KHDRBS2: variants seen among roughly 807,000 people sequenced by gnomAD.
The protein encoded by KHDRBS2 is KH domain-containing, RNA-binding, signal transduction-associated protein 2.
KHDRBS2 carries 26 observed loss-of-function variants against 44.3 expected under a neutral mutation model. The ratio of observed to expected loss-of-function variants is 0.59; its 90% CI spans 0.43 to 0.81. The LOEUF (loss-of-function observed/expected upper bound fraction) is 0.81. KHDRBS2 is among the 40% of genes least tolerant of loss of function. The pLI is 0.00. For synonymous variants in KHDRBS2, 194 were observed against 151.1 expected (o/e 1.28, Z -2.08); for missense variants, 476 against 433.1 (o/e 1.10, Z -0.88).
At position 62,035,852 on chromosome 6, in the gene KHDRBS2, G is replaced by A. The variant is rs528860579; in HGVS notation, c.336+12026C>T. Among the ~76,000 whole-genome samples, 240 of 152,014 alleles carry A rather than the reference G, an allele frequency of 1.6e-3. 6 individuals carry two copies. In the South Asian group the frequency reaches 0.047, roughly 29 times the overall value. On this transcript the variant is annotated intron_variant, in intron 3 of 8. Coordinates refer to ENST00000281156, the MANE Select transcript of KHDRBS2 (RefSeq NM_152688.4). ...CTCTGGTCATTTTAATAAAACTAAT[G>A]GTCAAACAGGGAACATCTGCACTAA...
At chr6:61,875,791 T>G (rs1799326050) in intron 6 of KHDRBS2, among the ~76,000 whole-genome samples, 1 of 152,074 alleles carries the variant, frequency 6.6e-6, no homozygotes, top group African/African-American at 2.4e-5. Flanking sequence ...TTACAGTTCT[T>G]TATTTCTGAA....
the KHDRBS2 span, among the ~76,000 whole-genome samples, chr6:61,606,290 C>G: frequency 2.6e-5 from 4 of 152,088 alleles, no homozygotes; most frequent in Non-Finnish European, 5.9e-5. Flanking sequence ...AAATTCTTAC[C>G]CTTCTGCTGA....
chr6:61,806,894 G>C (rs944913642), intron 6 of KHDRBS2, among the ~76,000 whole-genome samples: 9 of 151,970 alleles, frequency 5.9e-5, no homozygotes, highest in African/African-American at 2.2e-4. Flanking sequence ...TATATACATT[G>C]TGTGGTAGCT....
chr6:62,110,216 C>A (rs1804680404), intron 2 of KHDRBS2, among the ~76,000 whole-genome samples: 1 of 151,996 alleles, frequency 6.6e-6, no homozygotes, highest in Admixed American at 6.6e-5. Context: ...AACTTCCATA[C>A]ATTGTTGATG....
rs1767513336 is a variant in KHDRBS2 at position 61,956,992 on chromosome 6, G to A, written c.483+21074C>T. Among the ~76,000 whole-genome samples the A allele has an allele frequency of 2.6e-5, 4 of 152,038 alleles. No individual in the cohort carries two copies. The South Asian group carries it at 8.3e-4, about 32-fold the overall frequency. ...AACGGAGGAACCAGCTGAAGCCGTG[G>A]CAGAAGAATATAAATTGTGAAGATT... On this transcript the variant is annotated intron_variant, in intron 4 of 8. Coordinates refer to ENST00000281156, the MANE Select transcript of KHDRBS2 (RefSeq NM_152688.4).
chr6:61,958,274 C>T (rs1018184255), intron 4 of KHDRBS2, among the ~76,000 whole-genome samples: 18 of 152,110 alleles, frequency 1.2e-4, no homozygotes, highest in Non-Finnish European at 2.5e-4. Context: ...CCAGTTAGTA[C>T]ATGCTGTTTC....
intron 6 of KHDRBS2, among the ~76,000 whole-genome samples, chr6:61,815,064 TGTACATGTTTA>T (rs1788695857): frequency 6.6e-6 from 1 of 152,160 alleles, no homozygotes; most frequent in Non-Finnish European, 1.5e-5. Context: ...GACAATAGTC[TGTACATGTTTA>T]GTACAGGCAC....
At chr6:61,756,919 T>A (rs551468036) in intron 6 of KHDRBS2, among the ~76,000 whole-genome samples, 128 of 152,340 alleles carry the variant, frequency 8.4e-4, no homozygotes, top group African/African-American at 3.1e-3. Flanking sequence ...GCTTTGCTAC[T>A]ACAGATTAGT....
chr6:61,827,082 T>A (rs1331592435), intron 6 of KHDRBS2, among the ~76,000 whole-genome samples: 2 of 152,258 alleles, frequency 1.3e-5, no homozygotes, highest in Non-Finnish European at 2.9e-5. Flanking sequence ...CACCTCGTGC[T>A]GGAAGTATAT....
chr6:61,998,481 G>C (rs552121767), intron 3 of KHDRBS2, among the ~76,000 whole-genome samples: 1 of 151,978 alleles, frequency 6.6e-6, no homozygotes, highest in Non-Finnish European at 1.5e-5. Flanking sequence ...TCTACCTTAT[G>C]AACAAAATGA....
chr6:62,060,252 A>G (rs1205561796), intron 2 of KHDRBS2, among the ~76,000 whole-genome samples: 2 of 151,808 alleles, frequency 1.3e-5, no homozygotes, highest in Non-Finnish European at 2.9e-5. Flanking sequence ...GGTAAAAGCA[A>G]TGTAGTTCAA....
At chr6:61,702,377 G>A (rs1331914334) in intron 7 of KHDRBS2, among the ~76,000 whole-genome samples, 2 of 151,922 alleles carry the variant, frequency 1.3e-5, no homozygotes, top group Admixed American at 6.6e-5. Flanking sequence ...ATGCCATGGA[G>A]CAGAGCCCAC....
At chr6:61,951,216 A>T (rs1418164033) in intron 4 of KHDRBS2, among the ~76,000 whole-genome samples, 1 of 152,048 alleles carries the variant, frequency 6.6e-6, no homozygotes, top group East Asian at 1.9e-4. Context: ...CAATTACTAG[A>T]GAAAAGGTGT....
At chr6:61,601,779 C>T in the KHDRBS2 span, among the ~76,000 whole-genome samples, 2 of 152,060 alleles carry the variant, frequency 1.3e-5, no homozygotes, top group Non-Finnish European at 2.9e-5. Flanking sequence ...CCAATTCTTC[C>T]TCAACTTCTG....
At chr6:62,169,066 T>TAC in intron 2 of KHDRBS2, among the ~76,000 whole-genome samples, 1 of 139,390 alleles carries the variant, frequency 7.2e-6, no homozygotes, top group South Asian at 2.2e-4. Context: ...TATATATGTA[T>TAC]ACATGAATAT....
the KHDRBS2 span, among the ~76,000 whole-genome samples, chr6:61,638,378 A>T: frequency 3.9e-5 from 6 of 152,262 alleles, no homozygotes; most frequent in African/African-American, 1.4e-4. Flanking sequence ...CTGATCTTTG[A>T]CAAATCTGAG....
intron 6 of KHDRBS2, among the ~76,000 whole-genome samples, chr6:61,781,284 C>A (rs1302100200): frequency 6.6e-6 from 1 of 151,852 alleles, no homozygotes; most frequent in Admixed American, 6.6e-5. Flanking sequence ...AATGGTTTTC[C>A]AAAATAACTG....
At chr6:61,682,844 GT>G (rs1183410718) in intron 8 of KHDRBS2, among the ~76,000 whole-genome samples, 1 of 151,744 alleles carries the variant, frequency 6.6e-6, no homozygotes, top group Non-Finnish European at 1.5e-5. Flanking sequence ...AAATAAAACT[GT>G]TTTTGGTGTA....
the KHDRBS2 span, among the ~76,000 whole-genome samples, chr6:61,632,862 C>G: frequency 7.9e-5 from 12 of 152,162 alleles, no homozygotes; most frequent in African/African-American, 2.9e-4. Flanking sequence ...TGCAATTACA[C>G]AAATATAAAT....
Sources: allele counts gnomAD v4.1 joint callset (sites outside exome capture counted in the v4.1 genomes callset), GRCh38; gene constraint gnomAD v4.1.1; transcripts MANE v1.5; gene names NCBI Gene and HGNC (gene_info 2026-07-23, HGNC 2026-07-21).